AK7: variants seen among roughly 807,000 people sequenced by gnomAD.
AK7 encodes the protein adenylate kinase 7.
AK7 carries 78 observed loss-of-function variants against 96.6 expected under a neutral mutation model. The observed-to-expected ratio is 0.81, with a 90% confidence interval of 0.67 to 0.97. The LOEUF is 0.97. AK7 is among the 50% of genes least tolerant of loss of function. The pLI is 0.00. For missense variants in AK7, 855 were observed against 887.9 expected (o/e 0.96, Z 0.47); for synonymous variants, 302 against 317.2 (o/e 0.95, Z 0.51).
chr14:96,427,264 A>AT (rs1380514238), intron 5 of AK7, among the ~76,000 whole-genome samples: 2 of 152,198 alleles, frequency 1.3e-5, no homozygotes, highest in Non-Finnish European at 2.9e-5. Flanking sequence ...ACAAAAAAAA[A>AT]TTGGTTTAAT....
chr14:96,458,597 C>T (rs929564120), intron 12 of AK7, among the ~76,000 whole-genome samples: 1 of 151,792 alleles, frequency 6.6e-6, no homozygotes, highest in Non-Finnish European at 1.5e-5. Flanking sequence ...AAAAAATTAG[C>T]CAGATGTGGT....
chr14:96,412,093 T>C (rs556943470), intron 4 of AK7, among the ~76,000 whole-genome samples: 1 of 152,340 alleles, frequency 6.6e-6, no homozygotes, highest in South Asian at 2.1e-4. Flanking sequence ...TCTGCCAGAT[T>C]TACCAGGGTT....
At chr14:96,439,162 A>T (rs1892813453) in intron 6 of AK7, among the ~76,000 whole-genome samples, 3 of 152,128 alleles carry the variant, frequency 2.0e-5, no homozygotes, top group African/African-American at 7.2e-5. Context: ...AGATATAATC[A>T]TGGGAGCTGT....
At chr14:96,427,392 G>A (rs1048393942) in intron 5 of AK7, among the ~76,000 whole-genome samples, 1 of 152,176 alleles carries the variant, frequency 6.6e-6, no homozygotes, top group Non-Finnish European at 1.5e-5. Flanking sequence ...GGCCTGAGAA[G>A]GAGGAAGAGA....
intron 5 of AK7, among the ~76,000 whole-genome samples, chr14:96,432,828 C>CAAA (rs569057680): frequency 6.2e-3 from 782 of 125,966 alleles, no homozygotes; most frequent in African/African-American, 8.1e-3. Flanking sequence ...ACTAAAAATA[C>CAAA]AAAAAAAAAA....
rs1895316351 is a variant in AK7, at chr14:96,478,554, A to T, written c.1645A>T (p.Ser549Cys). ...GAGCATCGTGGCGGGGACCCACTAC[A>T]GCCAAGACCGATTCCTCCGGGCTCT... ...PESIVAGTHY[S>C]QDRFLRALSN... The change falls in exon 15 of 18, where the codon AGC becomes TGC. Residue 549 changes from serine (S) to cysteine (C), a missense_variant. Transcript: ENST00000267584. The T allele has an allele frequency of 6.2e-7, 1 of 1,614,224 alleles. No individual in the cohort carries two copies. The highest frequency in any genetic ancestry group is 2.2e-5 in the East Asian group (1 of 44,886).
intron 14 of AK7, among the ~76,000 whole-genome samples, chr14:96,476,993 C>T (rs999693174): frequency 6.6e-6 from 1 of 152,166 alleles, no homozygotes; most frequent in Non-Finnish European, 1.5e-5. Context: ...CAATTTTCAG[C>T]GAATCTGTTG....
intron 2 of AK7, among the ~76,000 whole-genome samples, chr14:96,403,767 T>C (rs2139993881): frequency 6.6e-6 from 1 of 152,232 alleles, no homozygotes; most frequent in Non-Finnish European, 1.5e-5. Context: ...GCGGGGTCCT[T>C]TTATGGTTCT....
chr14:96,479,633 T>C (rs186010899), intron 15 of AK7, among the ~76,000 whole-genome samples: 2 of 152,316 alleles, frequency 1.3e-5, no homozygotes, highest in African/African-American at 4.8e-5. Context: ...CAAGCACTCA[T>C]GATCCCGCAT....
intron 2 of AK7, among the ~76,000 whole-genome samples, chr14:96,402,193 A>ACACACACG (rs1890452460): frequency 6.6e-6 from 1 of 151,306 alleles, no homozygotes; most frequent in Non-Finnish European, 1.5e-5. Context: ...ATGCACACAC[A>ACACACACG]CACACACACA....
chr14:96,411,133 AT>A (rs1286833681), intron 4 of AK7, among the ~76,000 whole-genome samples: 1 of 152,218 alleles, frequency 6.6e-6, no homozygotes, highest in African/African-American at 2.4e-5. Flanking sequence ...ACTTTCCAAA[AT>A]TCTCTACCTC....
chr14:96,465,462 T>TAA (rs34029201), intron 12 of AK7, among the ~76,000 whole-genome samples: 22 of 143,470 alleles, frequency 1.5e-4, no homozygotes, highest in African/African-American at 5.1e-4. Context: ...AGACTCCGTT[T>TAA]AAAAAAAAAA....
At chr14:96,462,319 A>C (rs1894298541) in intron 12 of AK7, among the ~76,000 whole-genome samples, 1 of 152,224 alleles carries the variant, frequency 6.6e-6, no homozygotes, top group Non-Finnish European at 1.5e-5. Flanking sequence ...AAGTGTGTCC[A>C]AAAATCCCTC....
chr14:96,401,033 G>C (rs376905009), intron 2 of AK7, among the ~76,000 whole-genome samples: 1 of 152,196 alleles, frequency 6.6e-6, no homozygotes, highest in Non-Finnish European at 1.5e-5. Context: ...GGGGTCCTCA[G>C]CACACCTCTC....
intron 12 of AK7, among the ~76,000 whole-genome samples, chr14:96,467,560 G>A (rs1047729310): frequency 3.3e-5 from 5 of 151,948 alleles, no homozygotes; most frequent in African/African-American, 1.2e-4. Flanking sequence ...GGCTGGTTTC[G>A]AACTCCTGAG....
intron 16 of AK7, 90 bp from the exon 17 acceptor site, chr14:96,486,808 C>T (rs910780443): frequency 2.5e-5 from 29 of 1,167,392 alleles, no homozygotes; most frequent in African/African-American, 4.6e-5. Context: ...CCATTTCTAG[C>T]AGTGTCTCAA....
intron 12 of AK7, among the ~76,000 whole-genome samples, chr14:96,469,166 A>C (rs1017183133): frequency 1.3e-5 from 2 of 152,198 alleles, no homozygotes; most frequent in Non-Finnish European, 2.9e-5. Context: ...CATTGAAGGG[A>C]ATTGCAGCTA....
Position 96,434,391 on chromosome 14 carries a change from C to G in AK7, c.610-3444C>G, listed in dbSNP as rs981165992. 3.3e-5 allele frequency among the ~76,000 whole-genome samples: 5 copies of G among 151,552 alleles called. 1 individual carries two copies. The highest frequency in any genetic ancestry group is 7.4e-5 in the Non-Finnish European group (5 of 67,950). On this transcript the variant is annotated intron_variant, in intron 5 of 17. Coordinates refer to ENST00000267584, the MANE Select transcript of AK7 (RefSeq NM_152327.5). ...AGACTCTTGTTCTCTTCCCTTACAT[C>G]TCTCCAAATATACAGTCTCTCTGTC...
chr14:96,486,692 G>A (rs1895788638), intron 16 of AK7, among the ~76,000 whole-genome samples: 1 of 149,404 alleles, frequency 6.7e-6, no homozygotes, highest in African/African-American at 2.5e-5. Flanking sequence ...TTATTTTGGT[G>A]TAAGAAGTGA....
Sources: allele counts gnomAD v4.1 joint callset (sites outside exome capture counted in the v4.1 genomes callset), GRCh38; gene constraint gnomAD v4.1.1; transcripts MANE v1.5; gene names NCBI Gene and HGNC (gene_info 2026-07-23, HGNC 2026-07-21).